The following RAB11FIP3 variants were observed in gnomAD, a reference collection of about 807,000 sequenced individuals.
The protein encoded by RAB11FIP3 is RAB11 family interacting protein 3, also known as rab11 family-interacting protein 3.
In RAB11FIP3, 17 loss-of-function variants were observed where a neutral mutation model predicts 77.8. That is an observed-to-expected ratio of 0.22 (90% CI 0.15 to 0.33). The LOEUF is 0.33. RAB11FIP3 is among the 10% of genes least tolerant of loss of function. The pLI, the probability that RAB11FIP3 is intolerant of heterozygous loss-of-function variation, is 1.00. For synonymous variants in RAB11FIP3, 437 were observed against 448.2 expected (o/e 0.98, Z 0.31); for missense variants, 1,005 against 1,011.2 (o/e 0.99, Z 0.08).
intron 2 of RAB11FIP3, among the ~76,000 whole-genome samples, chr16:467,677 G>A (rs2055730025): frequency 9.1e-6 from 1 of 109,786 alleles, no homozygotes; most frequent in Non-Finnish European, 1.9e-5. Context: ...GAGGTGCAGG[G>A]GCGTCAGGGA....
chr16:513,813 C>T (rs1206275576), intron 9 of RAB11FIP3, among the ~76,000 whole-genome samples: 1 of 152,208 alleles, frequency 6.6e-6, no homozygotes, highest in Non-Finnish European at 1.5e-5. Context: ...GGGAGGCCTC[C>T]GTGCCTGCCA....
intron 1 of RAB11FIP3, among the ~76,000 whole-genome samples, chr16:456,858 G>C (rs2141632350): frequency 6.6e-6 from 1 of 152,310 alleles, no homozygotes; most frequent in Admixed American, 6.5e-5. Flanking sequence ...ATGTTTAGCT[G>C]CTTCGCGTCT....
chr16:437,570 C>CA (rs34184576), intron 1 of RAB11FIP3, among the ~76,000 whole-genome samples: 30,884 of 58,874 alleles, frequency 0.52, 7,572 homozygotes, highest in Non-Finnish European at 0.61. Context: ...AACTCCATCT[C>CA]AAAAAAAAAA....
At chr16:484,470 G>T (rs1254992931) in intron 4 of RAB11FIP3, among the ~76,000 whole-genome samples, 6 of 152,084 alleles carry the variant, frequency 3.9e-5, no homozygotes, top group Non-Finnish European at 7.3e-5. Flanking sequence ...TCCTGCCTCA[G>T]CCTCCCGGGT....
chr16:507,712 G>A lies in RAB11FIP3; in HGVS notation c.1499+2085G>A, dbSNP rs2031944136. Reference sequence around the variant, plus strand: ...TCAGTTCCTGTGGCTGTTCCCTGTGGTGCTCACCTCCAACGTCCTAAACAA... The same window carrying A: ...TCAGTTCCTGTGGCTGTTCCCTGTGATGCTCACCTCCAACGTCCTAAACAA... On this transcript the variant is annotated intron_variant, in intron 8 of 13. Transcript: ENST00000262305. This position sits in a 1 kb window ranked among gnomAD's most constrained non-coding sequence, Gnocchi z 4.6. Among the ~76,000 whole-genome samples, 1 of 152,222 alleles carries A rather than the reference G, an allele frequency of 6.6e-6. No homozygotes were observed. Among genetic ancestry groups the A allele is most frequent in the Admixed American group, 6.5e-5 (1 of 15,286 alleles).
chr16:473,801 G>A (rs752784733), intron 3 of RAB11FIP3, among the ~76,000 whole-genome samples: 3 of 152,090 alleles, frequency 2.0e-5, no homozygotes, highest in Non-Finnish European at 2.9e-5. Context: ...TGTGTATTCC[G>A]TGTTTTGACA....
At chr16:431,112 G>A (rs1394757290) in intron 1 of RAB11FIP3, among the ~76,000 whole-genome samples, 1 of 152,102 alleles carries the variant, frequency 6.6e-6, no homozygotes, top group East Asian at 1.9e-4. Context: ...GAGCTGGTGT[G>A]TGTGTGTGTA....
At chr16:508,450 G>T (rs951593782) in intron 8 of RAB11FIP3, among the ~76,000 whole-genome samples, 1 of 152,060 alleles carries the variant, frequency 6.6e-6, no homozygotes, top group Non-Finnish European at 1.5e-5. Flanking sequence ...CTCCGCTCAC[G>T]GCAACCTCCG....
rs565387507 is a variant in RAB11FIP3, at chr16:482,578, G to A, written c.957G>A (p.Glu319=). The A allele has an allele frequency of 6.2e-6, 10 of 1,613,656 alleles. No homozygotes were observed. Among genetic ancestry groups the A allele is most frequent in the African/African-American group, 2.7e-5 (2 of 75,060 alleles). ...AYMGSESTYS[E]CETFTDEDTS... ...TGGGCTCCGAGAGCACCTACAGTGA[G>A]TGTGAGACCTTCACGGACGAGGACA... The change falls in exon 4 of 14, where the codon GAG becomes GAA. Residue 319 remains glutamate, a synonymous_variant. Transcript: ENST00000262305.
intron 7 of RAB11FIP3, 109 bp downstream of exon 7, chr16:503,206 AC>A (rs1413699200): frequency 1.2e-6 from 1 of 809,756 alleles, no homozygotes; most frequent in Non-Finnish European, 1.9e-6. Context: ...GCCGGAGGTG[AC>A]CCCATGTCCT....
At chr16:444,852 C>T (rs1016082292) in intron 1 of RAB11FIP3, among the ~76,000 whole-genome samples, 5 of 151,926 alleles carry the variant, frequency 3.3e-5, no homozygotes, top group African/African-American at 7.3e-5. Context: ...CGGTGGCTCA[C>T]GCCTGTAATC....
chr16:490,115 T>C (rs1243993483), intron 5 of RAB11FIP3, among the ~76,000 whole-genome samples: 2 of 152,258 alleles, frequency 1.3e-5, no homozygotes, highest in Non-Finnish European at 2.9e-5. Flanking sequence ...AGTGTTTTCA[T>C]TGTTACCTGT....
chr16:513,519 C>T (rs2032276590), intron 9 of RAB11FIP3, among the ~76,000 whole-genome samples: 1 of 152,084 alleles, frequency 6.6e-6, no homozygotes, highest in African/African-American at 2.4e-5. Flanking sequence ...TGTTGTTTTT[C>T]CTCTCCATAC....
At chr16:493,061 G>A (rs2030733003) in intron 5 of RAB11FIP3, among the ~76,000 whole-genome samples, 7 of 152,080 alleles carry the variant, frequency 4.6e-5, no homozygotes, top group Admixed American at 4.6e-4. Context: ...GACCAGCCTG[G>A]CCAACATGGC....
chr16:498,227 A>C (rs537168412), intron 6 of RAB11FIP3, among the ~76,000 whole-genome samples: 1 of 152,196 alleles, frequency 6.6e-6, no homozygotes, highest in South Asian at 2.1e-4. Flanking sequence ...GGGCTGAAGT[A>C]CCGTGGTGCA....
Position 491,181 on chromosome 16 carries a change from C to T in RAB11FIP3, c.1265+2181C>T, listed in dbSNP as rs116384594. 5.6e-4 allele frequency: 737 copies of T among 1,304,426 alleles called. 5 individuals are homozygous for T. The African/African-American group carries it at 8.0e-3, about 14-fold the overall frequency. 80.8% of individuals were successfully genotyped at this position (1,304,426 alleles called of 1,614,324 possible). A position where few individuals can be genotyped will look rare whatever the true frequency, so the allele number is the denominator to read the frequency against. ...CTGCACAGCATCCTCACTGATGAGG[C>T]GTTTGAGTTTTACTGTAGCCAGTGC... On this transcript the variant is annotated intron_variant, in intron 5 of 13. Coordinates refer to ENST00000262305, the MANE Select transcript of RAB11FIP3 (RefSeq NM_014700.4).
At chr16:496,259 G>T (rs1385200156) in intron 5 of RAB11FIP3, among the ~76,000 whole-genome samples, 5 of 152,216 alleles carry the variant, frequency 3.3e-5, no homozygotes, top group Non-Finnish European at 5.9e-5. Context: ...GAGGGAGAAG[G>T]TAAGTTTGGC....
Position 514,142 on chromosome 16 carries a change from G to T in RAB11FIP3, c.1640+3342G>T, listed in dbSNP as rs1380982182. Among the ~76,000 whole-genome samples the T allele has an allele frequency of 6.6e-6, 1 of 152,126 alleles. No homozygotes were observed. Among genetic ancestry groups the T allele is most frequent in the African/African-American group, 2.4e-5 (1 of 41,372 alleles). ...CGCCTGCCCACCCTAAGCGCTTGGG[G>T]TCAGTGCCACCGTGTTCTGGGCCTC... is the stretch of plus-strand genomic sequence containing the variant. On this transcript the variant is annotated intron_variant, in intron 9 of 13. Coordinates refer to ENST00000262305, the MANE Select transcript of RAB11FIP3 (RefSeq NM_014700.4). The surrounding 1 kb of genome is among the most constrained non-coding windows in gnomAD (Gnocchi z 4.6).
chr16:428,525 G>T (rs2054988223), intron 1 of RAB11FIP3, among the ~76,000 whole-genome samples: 2 of 152,106 alleles, frequency 1.3e-5, no homozygotes, highest in South Asian at 4.1e-4. Flanking sequence ...CTTCTGTGAG[G>T]CTCAGGATGT....
Sources: allele counts gnomAD v4.1 joint callset (sites outside exome capture counted in the v4.1 genomes callset), GRCh38; gene constraint gnomAD v4.1.1; non-coding constraint Gnocchi (gnomAD v3.1); transcripts MANE v1.5; gene names NCBI Gene and HGNC (gene_info 2026-07-23, HGNC 2026-07-21).